Variants in VSTM2A observed in about 807,000 individuals in gnomAD.
The protein encoded by VSTM2A is V-set and transmembrane domain containing 2A.
In VSTM2A, 13 loss-of-function variants were observed where a neutral mutation model predicts 27.3. That is an observed-to-expected ratio of 0.48 (90% confidence interval 0.31 to 0.76). VSTM2A has a LOEUF of 0.76. Ranked by LOEUF, VSTM2A falls within the 30% of genes least tolerant of loss-of-function variation. VSTM2A has a pLI of 0.05. For synonymous variants in VSTM2A, 142 were observed against 125.7 expected, an observed-to-expected ratio of 1.13 and a Z score of -0.87; for missense variants, 280 against 310.0, an observed-to-expected ratio of 0.90 and a Z score of 0.73.
At chr7:54,563,621 G>A (rs1400605289) in intron 4 of VSTM2A, among the ~76,000 whole-genome samples, 2 of 152,126 alleles carry the variant, frequency 1.3e-5, no homozygotes, top group Non-Finnish European at 2.9e-5. Flanking sequence ...CAACAAGAGA[G>A]AACAGTCTCT....
At chr7:54,567,381 T>C (rs1238046884) in intron 4 of VSTM2A, among the ~76,000 whole-genome samples, 2 of 152,224 alleles carry the variant, frequency 1.3e-5, no homozygotes, top group East Asian at 3.8e-4. Context: ...GGGTTTCTTT[T>C]TAGTTATAAT....
intron 4 of VSTM2A, chr7:54,550,427 T>C: frequency 2.1e-6 from 2 of 931,572 alleles, no homozygotes; most frequent in East Asian, 2.7e-5. Flanking sequence ...GTTTTTATCC[T>C]TTCTGTATTT....
chr7:54,559,220 TA>T (rs1483443054), intron 4 of VSTM2A: 1 of 152,106 alleles, frequency 6.6e-6, no homozygotes, highest in South Asian at 2.1e-4. Flanking sequence ...TAGCAACAAG[TA>T]AAAGATATAA....
chr7:54,558,311 A>G (rs1036929142), intron 4 of VSTM2A: 6 of 152,216 alleles, frequency 3.9e-5, no homozygotes, highest in Admixed American at 2.0e-4. Context: ...ATAAATTAAT[A>G]ATGAAAATTT....
chr7:54,553,327 G>A lies in VSTM2A; in HGVS notation c.634+3157G>A, dbSNP rs143441279. 5.2e-3 allele frequency among the ~76,000 whole-genome samples: 792 copies of A among 152,210 alleles called. 9 individuals are homozygous for A. Among genetic ancestry groups the A allele is most frequent in the African/African-American group, 0.018 (751 of 41,538 alleles). ...TTAAAACAAAATAATGAAGCAAAAC[G>A]GTTAGGCAAACAGATAAACAAAACT... is the stretch of plus-strand genomic sequence containing the variant. On this transcript the variant is annotated intron_variant, in intron 4 of 4. Coordinates refer to ENST00000402613, the MANE Select transcript of VSTM2A (RefSeq NM_001301009.2).
intron 2 of VSTM2A, among the ~76,000 whole-genome samples, chr7:54,546,384 G>A (rs1015348829): frequency 1.3e-5 from 2 of 151,910 alleles, no homozygotes; most frequent in African/African-American, 2.4e-5. Context: ...CTAGTTGAGC[G>A]AGAGGCGGCG....
intron 4 of VSTM2A, among the ~76,000 whole-genome samples, chr7:54,567,761 C>A (rs1256110302): frequency 2.8e-5 from 4 of 145,248 alleles, no homozygotes; most frequent in South Asian, 2.1e-4. Context: ...ATTTATTTTT[C>A]TTTCTTTTTT....
intron 2 of VSTM2A, 69 bp from the exon 3 acceptor site, chr7:54,546,878 T>A (rs1584045804): frequency 6.3e-7 from 1 of 1,587,818 alleles, no homozygotes; most frequent in Non-Finnish European, 8.5e-7. Flanking sequence ...CCGCGAAGGC[T>A]ATGCTCGCGT....
chr7:54,569,198 C>G lies in VSTM2A; in HGVS notation c.702C>G (p.His234Gln). ...TAKLTLNSKHHPAPTVL is the reference protein window; with the variant it reads ...TAKLTLNSKHQPAPTVL ...AGTTGACCCTAAACTCCAAGCACCA[C>G]CCTGCACCCACTGTACTCTAATTCA... is the stretch of plus-strand genomic sequence containing the variant. The change falls in exon 5 of 5, where the codon CAC becomes CAG. Residue 234 changes from histidine to glutamine, a missense_variant. Coordinates refer to ENST00000402613, the MANE Select transcript of VSTM2A (RefSeq NM_001301009.2). 6.4e-7 allele frequency: 1 copy of G among 1,551,672 alleles called. No homozygotes were observed. Among genetic ancestry groups the G allele is most frequent in the Non-Finnish European group, 8.7e-7 (1 of 1,146,962 alleles).
At chr7:54,564,105 G>A (rs550137768) in intron 4 of VSTM2A, among the ~76,000 whole-genome samples, 2 of 152,264 alleles carry the variant, frequency 1.3e-5, no homozygotes, top group South Asian at 4.1e-4. Flanking sequence ...GCGTCTACTC[G>A]AAGAGCTGTA....
chr7:54,547,304 T>C, intron 3 of VSTM2A: 1 of 334,938 alleles, frequency 3.0e-6, no homozygotes, highest in East Asian at 4.6e-5. Flanking sequence ...CTAATATCTA[T>C]TCAAAATTAT....
chr7:54,550,767 T>C (rs986363059), intron 4 of VSTM2A: 1 of 153,738 alleles, frequency 6.5e-6, no homozygotes, highest in East Asian at 1.9e-4. Flanking sequence ...ATTTAGAAGC[T>C]TAGTCACAGG....
chr7:54,552,097 C>G (rs1200054130), intron 4 of VSTM2A: 1 of 152,144 alleles, frequency 6.6e-6, no homozygotes, highest in African/African-American at 2.4e-5. Flanking sequence ...AATTACTGCT[C>G]TTTTTGCATC....
At chr7:54,551,590 G>T (rs931657206) in intron 4 of VSTM2A, 1 of 152,168 alleles carries the variant, frequency 6.6e-6, no homozygotes, top group Admixed American at 6.5e-5. Context: ...GAACATATAT[G>T]TGTGTATCCA....
intron 4 of VSTM2A, among the ~76,000 whole-genome samples, chr7:54,568,068 C>T (rs916520915): frequency 6.6e-6 from 1 of 152,158 alleles, no homozygotes; most frequent in Non-Finnish European, 1.5e-5. Flanking sequence ...ATATAGCCCA[C>T]CTACCAGTAA....
chr7:54,561,673 A>ATAATTAATAAAGCATTC (rs1415028512), intron 4 of VSTM2A, among the ~76,000 whole-genome samples: 1 of 152,216 alleles, frequency 6.6e-6, no homozygotes, highest in African/African-American at 2.4e-5. Flanking sequence ...ACTAATGAAG[A>ATAATTAATAAAGCATTC]TAATTAATAA....
Position 54,549,717 on chromosome 7 carries a change from T to C in VSTM2A, c.298-117T>C. ...AAGGAAATAAAAAGCTCCTTCACTATGGCTATGGGGCCATTAAGACCCTTT... is the reference window on the plus strand; with the variant it reads ...AAGGAAATAAAAAGCTCCTTCACTACGGCTATGGGGCCATTAAGACCCTTT... On this transcript the variant is annotated intron_variant, in intron 3 of 4. Coordinates refer to ENST00000402613, the MANE Select transcript of VSTM2A (RefSeq NM_001301009.2). The C allele has an allele frequency of 4.3e-6, 4 of 935,902 alleles. No homozygotes were observed. In the South Asian group the frequency reaches 7.4e-5, roughly 17 times the overall value. 58.0% of individuals were successfully genotyped at this position (935,902 alleles called of 1,614,324 possible).
In VSTM2A at chr7:54,550,406, G is replaced by A. The variant is rs1788152897; in HGVS notation, c.634+236G>A. 3.6e-5 allele frequency: 43 copies of A among 1,178,972 alleles called. 2 individuals are homozygous for A. The South Asian group carries it at 7.4e-4, about 20-fold the overall frequency. The allele number at this position is 1,178,972 out of a possible 1,614,324, so 73.0% of individuals were successfully genotyped here. ...TGCTTCATTTCCAGGGCATCTGAGAGCTGGACTCTGGTTTTTATCCTTTCT... is the reference window on the plus strand; with the variant it reads ...TGCTTCATTTCCAGGGCATCTGAGAACTGGACTCTGGTTTTTATCCTTTCT... On this transcript the variant is annotated intron_variant, in intron 4 of 4. Coordinates refer to ENST00000402613, the MANE Select transcript of VSTM2A (RefSeq NM_001301009.2).
In VSTM2A at chr7:54,565,851, A is replaced by G. The variant is rs1484988848; in HGVS notation, c.635-3280A>G. On this transcript the variant is annotated intron_variant, in intron 4 of 4. Coordinates refer to ENST00000402613, the MANE Select transcript of VSTM2A (RefSeq NM_001301009.2). The stretch of plus-strand genomic sequence containing the variant: ...TTAATATCTGGAAGGGTTTTTCCAT[A>G]TTTCTCCTTGGCTGGGCTTTCATTT... Among the ~76,000 whole-genome samples the G allele has an allele frequency of 2.0e-5, 3 of 152,158 alleles. No homozygotes were observed. The South Asian group carries it at 6.2e-4, about 32-fold the overall frequency.
Sources: gnomAD v4.1 joint callset for allele counts (sites outside exome capture counted in the v4.1 genomes callset) on GRCh38, gnomAD v4.1.1 for gene constraint, MANE v1.5 for transcripts, NCBI Gene and HGNC (gene_info 2026-07-23, HGNC 2026-07-21) for gene names.